CCDC149: variants seen among roughly 807,000 people sequenced by gnomAD.
The protein encoded by CCDC149 is coiled-coil domain-containing protein 149.
A neutral mutation model predicts 59.9 loss-of-function variants in CCDC149; 45 were observed. The ratio of observed to expected loss-of-function variants is 0.75; its 90% CI spans 0.59 to 0.96. The LOEUF (loss-of-function observed/expected upper bound fraction) is 0.96, where lower values mean the gene tolerates loss of function less well. Among genes scored for constraint, CCDC149 ranks in the 40% least tolerant of loss-of-function variants. The pLI is 0.00. For synonymous variants in CCDC149, 245 were observed against 260.6 expected, an observed-to-expected ratio of 0.94 and a Z score of 0.58; for missense variants, 584 against 664.7, an observed-to-expected ratio of 0.88 and a Z score of 1.33.
intron 1 of CCDC149, among the ~76,000 whole-genome samples, chr4:24,909,364 A>G (rs1721736642): frequency 6.6e-6 from 1 of 152,082 alleles, no homozygotes; most frequent in South Asian, 2.1e-4. Context: ...CAGGTCCCCA[A>G]ACCATTTCGT....
chr4:24,942,527 G>C (rs1161425883), intron 1 of CCDC149, among the ~76,000 whole-genome samples: 1 of 152,136 alleles, frequency 6.6e-6, no homozygotes, highest in Non-Finnish European at 1.5e-5. Context: ...ATTCAACATA[G>C]TGTTGGAAGT....
chr4:24,859,215 T>G (rs1007982291), intron 3 of CCDC149, among the ~76,000 whole-genome samples: 1 of 152,182 alleles, frequency 6.6e-6, no homozygotes, highest in Non-Finnish European at 1.5e-5. Flanking sequence ...TTACACTTTA[T>G]AAAATAGGTC....
At chr4:24,871,231 G>A (rs947391820) in intron 3 of CCDC149, among the ~76,000 whole-genome samples, 7 of 151,846 alleles carry the variant, frequency 4.6e-5, no homozygotes, top group African/African-American at 1.7e-4. Context: ...GGACTGAGTT[G>A]GTCTCTGAGG....
chr4:24,906,401 T>TTTTATTTTGTTTTATTTTATTTTA (rs1721531209), intron 1 of CCDC149, among the ~76,000 whole-genome samples: 1 of 102,106 alleles, frequency 9.8e-6, no homozygotes. Flanking sequence ...TTTTATTTTA[T>TTTTATTTTGTTTTATTTTATTTTA]TTTATTTTAC....
intron 3 of CCDC149, 106 bp downstream of exon 3, chr4:24,873,575 G>T (rs1719193481): frequency 2.5e-6 from 2 of 805,742 alleles, no homozygotes; most frequent in Non-Finnish European, 4.2e-6. Flanking sequence ...ATAACAGAAA[G>T]AATTCCAGGA....
intron 1 of CCDC149, among the ~76,000 whole-genome samples, chr4:24,888,846 A>G (rs1720353741): frequency 6.6e-6 from 1 of 152,026 alleles, no homozygotes. Flanking sequence ...CACCTCTGTA[A>G]TTTTTAGATA....
chr4:24,916,787 GGTGTGTGTGTGTGTGT>G (rs55857592), upstream of CCDC149, among the ~76,000 whole-genome samples: 26 of 142,016 alleles, frequency 1.8e-4, no homozygotes, highest in African/African-American at 6.0e-4. Context: ...GGTTTATAAT[GGTGTGTGTGTGTGTGT>G]GTGTGTGTGT....
At chr4:24,881,050 C>T (rs538657719) in intron 1 of CCDC149, among the ~76,000 whole-genome samples, 4 of 152,310 alleles carry the variant, frequency 2.6e-5, no homozygotes. Context: ...CTTTCTCTGC[C>T]TTGTCTAAGA....
intron 1 of CCDC149, among the ~76,000 whole-genome samples, chr4:24,957,385 T>C (rs547133509): frequency 6.6e-6 from 1 of 152,314 alleles, no homozygotes; most frequent in East Asian, 1.9e-4. Context: ...TGAGAGGTTC[T>C]CTACAACTAG....
At chr4:24,907,146 G>C (rs185830231) in intron 1 of CCDC149, among the ~76,000 whole-genome samples, 5 of 152,174 alleles carry the variant, frequency 3.3e-5, no homozygotes, top group African/African-American at 1.2e-4. Flanking sequence ...AGTTTCTGTC[G>C]TGAGGTTCAT....
chr4:24,808,462 G>T lies in CCDC149; in HGVS notation c.1550C>A (p.Ala517Asp). Reference sequence around the variant, plus strand: ...GCCGTCTTCCGGTGTGGAAGCTTTGGCTGCTGGCCGGCTGGCCTCGAAGGA... The same window carrying T: ...GCCGTCTTCCGGTGTGGAAGCTTTGTCTGCTGGCCGGCTGGCCTCGAAGGA... Residue 517 changes from alanine to aspartate, a missense_variant, in exon 13 of 13, where the codon GCC becomes GAC. Coordinates refer to ENST00000635206, the MANE Select transcript of CCDC149 (RefSeq NM_001330643.2). The T allele has an allele frequency of 6.8e-7, 1 of 1,467,146 alleles. No homozygotes were observed. The highest frequency in any genetic ancestry group is 1.4e-5 in the African/African-American group (1 of 70,158). The allele number at this position is 1,467,146 out of a possible 1,614,324, so 90.9% of individuals were successfully genotyped here.
intron 1 of CCDC149, among the ~76,000 whole-genome samples, chr4:24,878,921 C>T (rs1014488079): frequency 6.6e-6 from 1 of 152,160 alleles, no homozygotes; most frequent in Non-Finnish European, 1.5e-5. Context: ...CCAAATAGGG[C>T]CATGAAAGCT....
At chr4:24,946,157 C>T (rs573236785) in intron 1 of CCDC149, among the ~76,000 whole-genome samples, 18 of 152,304 alleles carry the variant, frequency 1.2e-4, no homozygotes, top group Middle Eastern at 6.8e-3. Flanking sequence ...TAGCAAGAGA[C>T]GCAGACTCAA....
chr4:24,891,136 C>T (rs1194876916), intron 1 of CCDC149, among the ~76,000 whole-genome samples: 1 of 152,196 alleles, frequency 6.6e-6, no homozygotes, highest in Non-Finnish European at 1.5e-5. Context: ...TCCATAAACT[C>T]CAGATACTAC....
At chr4:24,870,963 T>C (rs1001687048) in intron 3 of CCDC149, among the ~76,000 whole-genome samples, 17 of 147,064 alleles carry the variant, frequency 1.2e-4, no homozygotes, top group Admixed American at 1.1e-3. Flanking sequence ...GAGAATGTCA[T>C]GAACCCAGGA....
intron 1 of CCDC149, among the ~76,000 whole-genome samples, chr4:24,944,092 C>T (rs1209317358): frequency 2.6e-5 from 4 of 152,182 alleles, no homozygotes; most frequent in Non-Finnish European, 5.9e-5. Context: ...TATAAAGACA[C>T]ATGCACACGT....
chr4:24,854,411 A>G (rs1355820291), intron 3 of CCDC149, among the ~76,000 whole-genome samples: 1 of 152,238 alleles, frequency 6.6e-6, no homozygotes, highest in Admixed American at 6.5e-5. Flanking sequence ...TTAAAAGCTC[A>G]TAATGAATAA....
chr4:24,883,971 T>C (rs1720006667), intron 1 of CCDC149, among the ~76,000 whole-genome samples: 1 of 152,206 alleles, frequency 6.6e-6, no homozygotes, highest in African/African-American at 2.4e-5. Context: ...TAGTTATAAG[T>C]GGTTCAACAC....
chr4:24,842,235 G>A (rs552628029), intron 4 of CCDC149, among the ~76,000 whole-genome samples: 1 of 152,294 alleles, frequency 6.6e-6, no homozygotes, highest in African/African-American at 2.4e-5. Context: ...TGTTTAATAA[G>A]TAAATAATAA....
Sources: gnomAD v4.1 joint callset for allele counts (sites outside exome capture counted in the v4.1 genomes callset) on GRCh38, gnomAD v4.1.1 for gene constraint, MANE v1.5 for transcripts, NCBI Gene and HGNC (gene_info 2026-07-23, HGNC 2026-07-21) for gene names.